NEK10: variants seen among roughly 807,000 people sequenced by gnomAD.
NEK10 encodes the protein serine/threonine-protein kinase Nek10.
NEK10 carries 122 observed loss-of-function variants against 159.8 expected under a neutral mutation model. The ratio of observed to expected loss-of-function variants is 0.76; its 90% confidence interval spans 0.66 to 0.89. NEK10 has a LOEUF of 0.89. Among genes scored for constraint, NEK10 ranks in the 40% least tolerant of loss-of-function variants. The pLI, the probability that NEK10 is intolerant of heterozygous loss-of-function variation, is 0.00. For missense variants in NEK10, 1,342 were observed against 1,323.1 expected (o/e 1.01, Z -0.22); for synonymous variants, 466 against 457.1 (o/e 1.02, Z -0.25).
At chr3:27,210,276 C>T (rs1420842193) in intron 23 of NEK10, among the ~76,000 whole-genome samples, 2 of 148,656 alleles carry the variant, frequency 1.3e-5, no homozygotes, top group African/African-American at 5.3e-5. Context: ...TCCCGAGGCA[C>T]CATGAGGCAT....
At chr3:27,300,023 G>A (rs2043679099) in intron 13 of NEK10, among the ~76,000 whole-genome samples, 1 of 152,162 alleles carries the variant, frequency 6.6e-6, no homozygotes, top group Non-Finnish European at 1.5e-5. Flanking sequence ...AGACTTTGGG[G>A]GACTGTTGGG....
intron 35 of NEK10, among the ~76,000 whole-genome samples, chr3:27,112,632 T>C (rs1450843368): frequency 6.6e-6 from 1 of 152,130 alleles, no homozygotes; most frequent in Non-Finnish European, 1.5e-5. Context: ...AACACTGAGG[T>C]CAACAAACAA....
chr3:27,236,969 C>T (rs1953988915), intron 23 of NEK10, among the ~76,000 whole-genome samples: 1 of 152,122 alleles, frequency 6.6e-6, no homozygotes, highest in South Asian at 2.1e-4. Flanking sequence ...CTGTCCTTAT[C>T]TCAACCGCAT....
At chr3:27,174,045 T>A (rs1225092304) in intron 28 of NEK10, among the ~76,000 whole-genome samples, 2 of 152,180 alleles carry the variant, frequency 1.3e-5, no homozygotes, top group Non-Finnish European at 2.9e-5. Flanking sequence ...TTTATATAAA[T>A]AAAATTGCAC....
chr3:27,311,070 C>G (rs1422704398), intron 8 of NEK10, 54 bp from the exon 9 acceptor site: 2 of 1,103,416 alleles, frequency 1.8e-6, no homozygotes, highest in East Asian at 4.7e-5. Context: ...AGGGGGAGTA[C>G]TTCCAGGAGC....
chr3:27,156,143 G>A (rs1467106536), intron 30 of NEK10, among the ~76,000 whole-genome samples: 2 of 151,886 alleles, frequency 1.3e-5, no homozygotes, highest in African/African-American at 2.4e-5. Context: ...AGCTCAAGAT[G>A]GATTAAGGAC....
intron 5 of NEK10, among the ~76,000 whole-genome samples, chr3:27,331,262 A>AAAAAAAAAAAAACAAAAAAAC: frequency 9.1e-6 from 1 of 110,082 alleles, no homozygotes; most frequent in Non-Finnish European, 2.0e-5. Context: ...AAAAAAAAAA[A>AAAAAAAAAAAAACAAAAAAAC]ACACACAAAC....
rs773114048 is a variant in NEK10, at chr3:27,141,462, TAAAAAGCTAGAAC to T, written c.2970+7_2970+19del. On this transcript the variant is annotated splice_region_variant and intron_variant, in intron 31 of 35. Transcript: ENST00000691995. ...ACTTGCATTTAAGATGAAAAGGAAA[TAAAAAGCTAGAAC>T]ACTGACCTGTGTGATATAGATTATT... 2.4e-4 allele frequency: 375 copies of T among 1,547,744 alleles called. 3 individuals carry two copies. In the Admixed American group the frequency reaches 6.8e-3, roughly 28 times the overall value.
chr3:27,288,631 G>A lies in NEK10; in HGVS notation c.1744-888C>T, dbSNP rs896020724. ...AGTATTGAATAAAGTCTTCCTCACC[G>A]TTTTTAAAAAATGGTGCAATTTCTC... On this transcript the variant is annotated intron_variant, in intron 19 of 35. Coordinates refer to ENST00000691995, the MANE Select transcript of NEK10 (RefSeq NM_001394966.1). Among the ~76,000 whole-genome samples, 8 of 152,040 alleles carry A rather than the reference G, an allele frequency of 5.3e-5. No homozygotes were observed. The South Asian group carries it at 6.2e-4, about 12-fold the overall frequency.
intron 14 of NEK10, 143 bp downstream of exon 14, chr3:27,297,036 T>C: frequency 1.9e-6 from 1 of 535,254 alleles, no homozygotes; most frequent in Non-Finnish European, 3.5e-6. Context: ...GGAACTTTAT[T>C]AGTTAAACGA....
chr3:27,201,242 A>G (rs1371923611), intron 25 of NEK10, among the ~76,000 whole-genome samples: 3 of 152,170 alleles, frequency 2.0e-5, no homozygotes, highest in African/African-American at 7.2e-5. Flanking sequence ...TCTTACCCAC[A>G]TATCATAATG....
chr3:27,276,369 C>A (rs1424718790), intron 22 of NEK10, among the ~76,000 whole-genome samples: 1 of 151,880 alleles, frequency 6.6e-6, no homozygotes, highest in African/African-American at 2.4e-5. Flanking sequence ...GGAGGAAGCG[C>A]ATTTGACCTG....
intron 25 of NEK10, among the ~76,000 whole-genome samples, chr3:27,198,646 C>G (rs1949765456): frequency 6.6e-6 from 1 of 152,058 alleles, no homozygotes; most frequent in Admixed American, 6.6e-5. Context: ...ATACAAAAAT[C>G]AACTCAAGAC....
chr3:27,172,331 C>G (rs9818903), intron 28 of NEK10, among the ~76,000 whole-genome samples: 1 of 54,610 alleles, frequency 1.8e-5, no homozygotes, highest in Non-Finnish European at 2.9e-5. Flanking sequence ...GAGACCCCGT[C>G]TCAAAAAAAA....
chr3:27,164,493 A>G (rs975426431), intron 29 of NEK10, among the ~76,000 whole-genome samples: 9 of 152,370 alleles, frequency 5.9e-5, no homozygotes, highest in African/African-American at 2.2e-4. Context: ...ATTCTATTTT[A>G]TTTAATCAAA....
At chr3:27,140,327 C>G (rs746475990) in intron 31 of NEK10, among the ~76,000 whole-genome samples, 1 of 152,118 alleles carries the variant, frequency 6.6e-6, no homozygotes. Flanking sequence ...GCTGGGACCC[C>G]TTGAGGAAGG....
At chr3:27,180,858 G>A (rs764969744) in intron 26 of NEK10, among the ~76,000 whole-genome samples, 69 of 151,928 alleles carry the variant, frequency 4.5e-4, no homozygotes, top group Admixed American at 6.6e-5. Flanking sequence ...CCTACTCAGC[G>A]GCCACCTATA....
rs1559558354 is a variant in NEK10, at chr3:27,358,673, T to C, written c.-37-5754A>G. Among the ~76,000 whole-genome samples, 3 of 152,210 alleles carry C rather than the reference T, an allele frequency of 2.0e-5. No individual in the cohort carries two copies. The South Asian group carries it at 6.2e-4, about 32-fold the overall frequency. On this transcript the variant is annotated intron_variant, in intron 1 of 35. Transcript: ENST00000691995. Reference sequence around the variant, plus strand: ...AATAACATAGGGAGTATTTGTGATATGGTTTTCAGATCTCTACCCAGAAAC... The same window carrying C: ...AATAACATAGGGAGTATTTGTGATACGGTTTTCAGATCTCTACCCAGAAAC...
intron 23 of NEK10, among the ~76,000 whole-genome samples, chr3:27,211,176 T>C (rs937418464): frequency 7.9e-5 from 12 of 152,192 alleles, no homozygotes. Context: ...ATTGACAGAA[T>C]GACACAATTG....
Sources: allele counts gnomAD v4.1 joint callset (sites outside exome capture counted in the v4.1 genomes callset), GRCh38; gene constraint gnomAD v4.1.1; transcripts MANE v1.5; gene names NCBI Gene and HGNC (gene_info 2026-07-23, HGNC 2026-07-21).